The following GMDS variants were observed in gnomAD, a reference collection of about 807,000 sequenced individuals.
GMDS encodes the protein GDP-mannose 4,6 dehydratase.
A neutral mutation model predicts 49.9 loss-of-function variants in GMDS; 20 were observed. The observed-to-expected ratio is 0.40, with a 90% CI of 0.28 to 0.58. GMDS has a LOEUF of 0.58. Among genes scored for constraint, GMDS ranks in the 20% least tolerant of loss-of-function variants. The pLI is 0.42. For synonymous variants in GMDS, 177 were observed against 178.6 expected (o/e 0.99, Z 0.07); for missense variants, 362 against 481.4 (o/e 0.75, Z 2.32).
chr6:1,686,831 T>C (rs539484365), intron 9 of GMDS, among the ~76,000 whole-genome samples: 35 of 152,318 alleles, frequency 2.3e-4, no homozygotes, highest in African/African-American at 7.0e-4. Context: ...GAGGTACTGG[T>C]AAGATAAAGG....
intron 9 of GMDS, among the ~76,000 whole-genome samples, chr6:1,651,190 G>A (rs1763642952): frequency 6.6e-6 from 1 of 152,206 alleles, no homozygotes; most frequent in Non-Finnish European, 1.5e-5. Context: ...TGGTTTGATG[G>A]AGCAGCCCAC....
intron 1 of GMDS, among the ~76,000 whole-genome samples, chr6:2,193,960 T>TGATCCACC (rs1327746155): frequency 6.6e-6 from 1 of 151,982 alleles, no homozygotes; most frequent in Non-Finnish European, 1.5e-5. Flanking sequence ...CCTGACCTCA[T>TGATCCACC]GATCCACCCG....
chr6:1,783,181 A>G (rs1433879865), intron 7 of GMDS, among the ~76,000 whole-genome samples: 1 of 152,086 alleles, frequency 6.6e-6, no homozygotes, highest in Admixed American at 6.5e-5. Flanking sequence ...GAGAGAGGAG[A>G]AGGTTAAGAA....
intron 7 of GMDS, among the ~76,000 whole-genome samples, chr6:1,759,016 G>C (rs1480026411): frequency 6.6e-6 from 1 of 152,124 alleles, no homozygotes; most frequent in Non-Finnish European, 1.5e-5. Flanking sequence ...TCTGCCTCCC[G>C]GGTTCAAGTG....
At chr6:1,641,015 C>T (rs1310247051) in intron 9 of GMDS, among the ~76,000 whole-genome samples, 1 of 152,180 alleles carries the variant, frequency 6.6e-6, no homozygotes, top group Non-Finnish European at 1.5e-5. Context: ...GTTGGCTCCA[C>T]AGCTGTGAGA....
chr6:1,777,341 G>C (rs927616768), intron 7 of GMDS, among the ~76,000 whole-genome samples: 1 of 152,216 alleles, frequency 6.6e-6, no homozygotes, highest in Non-Finnish European at 1.5e-5. Context: ...ATGTTGCTTC[G>C]GAGGATGTGT....
intron 9 of GMDS, among the ~76,000 whole-genome samples, chr6:1,637,551 G>T (rs970295637): frequency 6.6e-6 from 1 of 152,226 alleles, no homozygotes; most frequent in African/African-American, 2.4e-5. Flanking sequence ...TATTGCCCTG[G>T]GTGGAGCAGG....
chr6:1,656,965 A>T (rs1225926934), intron 9 of GMDS, among the ~76,000 whole-genome samples: 1 of 152,126 alleles, frequency 6.6e-6, no homozygotes, highest in African/African-American at 2.4e-5. Context: ...TGGCGCCAAG[A>T]GCACCATGCT....
chr6:1,722,626 A>C (rs1263498016), intron 9 of GMDS, among the ~76,000 whole-genome samples: 3 of 152,164 alleles, frequency 2.0e-5, no homozygotes, highest in African/African-American at 7.2e-5. Context: ...TCCTATTATT[A>C]ATCTTATTTT....
intron 7 of GMDS, among the ~76,000 whole-genome samples, chr6:1,753,097 A>T (rs1581140806): frequency 6.6e-6 from 1 of 152,376 alleles, no homozygotes; most frequent in Admixed American, 6.5e-5. Context: ...GGCAAACTGG[A>T]TAAAGAGTCA....
At chr6:1,912,343 G>T (rs1161001253) in intron 7 of GMDS, among the ~76,000 whole-genome samples, 1 of 152,074 alleles carries the variant, frequency 6.6e-6, no homozygotes, top group Non-Finnish European at 1.5e-5. Context: ...TCCAGCCTGG[G>T]CAACAGAGTG....
intron 7 of GMDS, among the ~76,000 whole-genome samples, chr6:1,918,149 G>A (rs1761500256): frequency 6.6e-6 from 1 of 152,202 alleles, no homozygotes; most frequent in African/African-American, 2.4e-5. Flanking sequence ...GATAGAGAGG[G>A]GAGAAGAGAA....
In GMDS at chr6:1,897,886, T is replaced by C. The variant is rs72841967; in HGVS notation, c.771+32217A>G. Reference sequence around the variant, plus strand: ...AAGAAGCTCCTGATAACTGAGGTTATCTAATGAGTCCCACAGGCTGGATCT... The same window carrying C: ...AAGAAGCTCCTGATAACTGAGGTTACCTAATGAGTCCCACAGGCTGGATCT... On this transcript the variant is annotated intron_variant, in intron 7 of 10. Coordinates refer to ENST00000380815, the MANE Select transcript of GMDS (RefSeq NM_001500.4). Among the ~76,000 whole-genome samples, 824 of 151,922 alleles carry C rather than the reference T, an allele frequency of 5.4e-3. 6 individuals carry two copies. Among genetic ancestry groups the C allele is most frequent in the Non-Finnish European group, 8.4e-3 (570 of 67,788 alleles).
At chr6:1,888,964 G>C (rs1434448261) in intron 7 of GMDS, among the ~76,000 whole-genome samples, 1 of 152,192 alleles carries the variant, frequency 6.6e-6, no homozygotes, top group Non-Finnish European at 1.5e-5. Context: ...TAATGCAAGA[G>C]GTGGGCCCCC....
intron 4 of GMDS, among the ~76,000 whole-genome samples, chr6:2,079,564 A>C (rs1214286289): frequency 6.6e-6 from 1 of 152,128 alleles, no homozygotes; most frequent in Non-Finnish European, 1.5e-5. Flanking sequence ...TCAGTTACAA[A>C]GAATATTTTT....
intron 1 of GMDS, among the ~76,000 whole-genome samples, chr6:2,159,809 AC>A (rs1315274880): frequency 6.6e-6 from 1 of 151,746 alleles, no homozygotes; most frequent in Non-Finnish European, 1.5e-5. Flanking sequence ...GAGCCACAGC[AC>A]CCGGCCAATT....
At chr6:2,232,476 T>G (rs1342678191) in intron 1 of GMDS, among the ~76,000 whole-genome samples, 1 of 152,180 alleles carries the variant, frequency 6.6e-6, no homozygotes, top group Non-Finnish European at 1.5e-5. Flanking sequence ...CTCACTGGTG[T>G]GATCTACCAC....
intron 1 of GMDS, among the ~76,000 whole-genome samples, chr6:2,183,922 T>C (rs1476557621): frequency 2.0e-5 from 3 of 152,238 alleles, no homozygotes; most frequent in Non-Finnish European, 2.9e-5. Context: ...TTTTTAGATA[T>C]AATGCTACTG....
intron 4 of GMDS, among the ~76,000 whole-genome samples, chr6:1,966,581 T>C (rs1450428989): frequency 6.6e-6 from 1 of 152,094 alleles, no homozygotes; most frequent in Non-Finnish European, 1.5e-5. Flanking sequence ...GCTGAGGGTT[T>C]TCTCCCCGAC....
Sources: allele counts gnomAD v4.1 joint callset (sites outside exome capture counted in the v4.1 genomes callset), GRCh38; gene constraint gnomAD v4.1.1; transcripts MANE v1.5; gene names NCBI Gene and HGNC (gene_info 2026-07-23, HGNC 2026-07-21).